The following MYT1L variants were observed in gnomAD, a reference collection of about 807,000 sequenced individuals.
The protein encoded by MYT1L is myelin transcription factor 1 like.
MYT1L carries 12 observed loss-of-function variants against 126.7 expected under a neutral mutation model. The ratio of observed to expected loss-of-function variants is 0.09; its 90% CI spans 0.06 to 0.15. The LOEUF (loss-of-function observed/expected upper bound fraction) is 0.15. Ranked by LOEUF, MYT1L falls within the 10% of genes least tolerant of loss-of-function variation. The probability of loss-of-function intolerance (pLI) is 1.00; values close to 1 mark genes in which losing one functional copy is unlikely to be tolerated. For missense variants in MYT1L, 979 were observed against 1,585.2 expected (o/e 0.62, Z 6.49); for synonymous variants, 541 against 604.2 (o/e 0.90, Z 1.53).
intron 4 of MYT1L, among the ~76,000 whole-genome samples, chr2:2,036,431 G>A: frequency 7.2e-6 from 1 of 137,938 alleles, no homozygotes; most frequent in Non-Finnish European, 1.6e-5. Context: ...GTGCAGAAGA[G>A]AGCTCCTAAC....
In MYT1L at chr2:1,912,997, C is replaced by T. The variant is rs2052283032; in HGVS notation, c.1619-887G>A. On this transcript the variant is annotated intron_variant, in intron 11 of 24. Coordinates refer to ENST00000647738, the MANE Select transcript of MYT1L (RefSeq NM_001303052.2). This position sits in a 1 kb window ranked among gnomAD's most constrained non-coding sequence, Gnocchi z 4.3. ...CTCTGCTCCTCTGAGCCCGCTGTCT[C>T]CAAACTCCAGGGGAATGGGGTGGTG... 6.6e-6 allele frequency among the ~76,000 whole-genome samples: 1 copy of T among 152,220 alleles called. No individual in the cohort carries two copies. Among genetic ancestry groups the T allele is most frequent in the Non-Finnish European group, 1.5e-5 (1 of 68,034 alleles).
At chr2:2,203,483 C>A (rs2093173345) in intron 2 of MYT1L, among the ~76,000 whole-genome samples, 1 of 151,412 alleles carries the variant, frequency 6.6e-6, no homozygotes, top group Admixed American at 6.6e-5. Flanking sequence ...CAAACAGAGC[C>A]AAATCATGAG....
At chr2:2,295,677 G>GAGAGACAGACAGACAGAGAGAGAC (rs2095671480) in intron 1 of MYT1L, among the ~76,000 whole-genome samples, 2 of 103,766 alleles carry the variant, frequency 1.9e-5, no homozygotes, top group Non-Finnish European at 4.2e-5. Flanking sequence ...GAGAGAGAGA[G>GAGAGACAGACAGACAGAGAGAGAC]AGACAGACAG....
chr2:1,838,669 C>A (rs1444035213), intron 21 of MYT1L, among the ~76,000 whole-genome samples: 1 of 152,152 alleles, frequency 6.6e-6, no homozygotes, highest in African/African-American at 2.4e-5. Context: ...GCATGTATTT[C>A]TTTTTAAATG....
At chr2:1,940,101 A>G (rs2056467109) in intron 9 of MYT1L, among the ~76,000 whole-genome samples, 1 of 152,252 alleles carries the variant, frequency 6.6e-6, no homozygotes. Context: ...AGGCTCTCTG[A>G]AAGGGAGTGG....
intron 4 of MYT1L, among the ~76,000 whole-genome samples, chr2:2,037,661 C>A (rs2067017029): frequency 6.6e-6 from 1 of 151,720 alleles, no homozygotes; most frequent in Non-Finnish European, 1.5e-5. Context: ...GAGGCTGAGT[C>A]AGGAGAATCA....
At chr2:1,933,969 A>ATTTTT (rs920521570) in intron 9 of MYT1L, among the ~76,000 whole-genome samples, 13 of 111,746 alleles carry the variant, frequency 1.2e-4, no homozygotes, top group Admixed American at 2.8e-4. Context: ...TCTAATTTTG[A>ATTTTT]TTTTTTTTTT....
At chr2:2,170,047 T>A (rs1422881930) in intron 3 of MYT1L, among the ~76,000 whole-genome samples, 1 of 152,226 alleles carries the variant, frequency 6.6e-6, no homozygotes, top group Non-Finnish European at 1.5e-5. Context: ...GCTCTCTTCA[T>A]CCTTCTTTCA....
rs545800444 is a variant in MYT1L, at chr2:2,307,501, CTAAT to C, written c.-520-23002_-520-22999del. Among the ~76,000 whole-genome samples the C allele has an allele frequency of 1.8e-4, 28 of 152,182 alleles. No homozygotes were observed. In the South Asian group the frequency reaches 5.6e-3, roughly 30 times the overall value. On this transcript the variant is annotated intron_variant, in intron 1 of 24. Coordinates refer to ENST00000647738, the MANE Select transcript of MYT1L (RefSeq NM_001303052.2). ...AAGTAGCCACTGATTGGCTGCCAGA[CTAAT>C]TATCCCAAAGAAGAGCTCTGACCTT...
chr2:1,928,413 C>T (rs1451259145), intron 9 of MYT1L, among the ~76,000 whole-genome samples: 1 of 152,142 alleles, frequency 6.6e-6, no homozygotes, highest in African/African-American at 2.4e-5. Flanking sequence ...GACAGTTTAC[C>T]CCATCACTCA....
Position 1,998,444 on chromosome 2 carries a change from T to G in MYT1L, c.-157-1097A>C, listed in dbSNP as rs979530143. On this transcript the variant is annotated intron_variant, in intron 4 of 24. Coordinates refer to ENST00000647738, the MANE Select transcript of MYT1L (RefSeq NM_001303052.2). ...ACATTTTCCCCAGAATTCGCAAATC[T>G]TTTCCTTCGACCTGGAAACTAACCC... 8.5e-5 allele frequency among the ~76,000 whole-genome samples: 13 copies of G among 152,146 alleles called. No individual in the cohort carries two copies. In the East Asian group the frequency reaches 2.5e-3, roughly 29 times the overall value.
chr2:2,314,543 T>G (rs1210889384), intron 1 of MYT1L, among the ~76,000 whole-genome samples: 1 of 152,204 alleles, frequency 6.6e-6, no homozygotes. Context: ...CTGTGATTTC[T>G]TTTTTTAAAA....
intron 1 of MYT1L, among the ~76,000 whole-genome samples, chr2:2,320,609 C>T (rs760069021): frequency 1.8e-4 from 28 of 152,128 alleles, no homozygotes; most frequent in Non-Finnish European, 2.9e-4. Context: ...ATCATTGACG[C>T]CAGCCTACAG....
chr2:1,873,608 T>C lies in MYT1L; in HGVS notation c.2711+12931A>G, dbSNP rs140299978. 6.5e-3 allele frequency among the ~76,000 whole-genome samples: 986 copies of C among 152,326 alleles called. 7 individuals are homozygous for C. The highest frequency in any genetic ancestry group is 0.017 in the Middle Eastern group (5 of 292). ...GCTTCAATTAAATTCACTGATGATT[T>C]GTTCAGCATCTGGCAGGCATCAGGC... On this transcript the variant is annotated intron_variant, in intron 18 of 24. Coordinates refer to ENST00000647738, the MANE Select transcript of MYT1L (RefSeq NM_001303052.2).
chr2:2,052,487 A>G (rs531846130), intron 4 of MYT1L, among the ~76,000 whole-genome samples: 3 of 152,356 alleles, frequency 2.0e-5, no homozygotes, highest in South Asian at 4.1e-4. Flanking sequence ...GACACTACCA[A>G]CAAAGTGAAA....
intron 2 of MYT1L, among the ~76,000 whole-genome samples, chr2:2,259,870 GA>G (rs1019643286): frequency 6.6e-6 from 1 of 152,164 alleles, no homozygotes; most frequent in Non-Finnish European, 1.5e-5. Flanking sequence ...CATATAGAAA[GA>G]AAAAGATGTG....
At chr2:2,026,942 T>G (rs2065672579) in intron 4 of MYT1L, among the ~76,000 whole-genome samples, 1 of 151,952 alleles carries the variant, frequency 6.6e-6, no homozygotes, top group African/African-American at 2.4e-5. Flanking sequence ...TGGGGCCCCG[T>G]CACGACCAGC....
chr2:1,963,541 A>G (rs1343409205), intron 8 of MYT1L, among the ~76,000 whole-genome samples: 11 of 152,216 alleles, frequency 7.2e-5, no homozygotes, highest in Non-Finnish European at 1.6e-4. Flanking sequence ...TCTTCTTCCA[A>G]TAGAAGGCTG....
At chr2:2,110,908 G>A (rs541380787) in intron 3 of MYT1L, among the ~76,000 whole-genome samples, 1 of 152,262 alleles carries the variant, frequency 6.6e-6, no homozygotes, top group Non-Finnish European at 1.5e-5. Flanking sequence ...GCCACCCCAG[G>A]GCGGGCCCTG....
Sources: allele counts gnomAD v4.1 joint callset (sites outside exome capture counted in the v4.1 genomes callset), GRCh38; gene constraint gnomAD v4.1.1; non-coding constraint Gnocchi (gnomAD v3.1); transcripts MANE v1.5; gene names NCBI Gene and HGNC (gene_info 2026-07-23, HGNC 2026-07-21).